The following ACAD9 variants were observed in gnomAD, a reference collection of about 807,000 sequenced individuals.
The protein encoded by ACAD9 is complex I assembly factor ACAD9, mitochondrial.
A neutral mutation model predicts 70.2 loss-of-function variants in ACAD9; 53 were observed. The observed-to-expected ratio is 0.75, with a 90% CI of 0.61 to 0.95. The LOEUF is 0.95. Among genes scored for constraint, ACAD9 ranks in the 40% least tolerant of loss-of-function variants. The pLI is 0.00. For synonymous variants in ACAD9, 313 were observed against 312.1 expected, an observed-to-expected ratio of 1.00 and a Z score of -0.03; for missense variants, 777 against 802.8, an observed-to-expected ratio of 0.97 and a Z score of 0.39.
At chr3:128,910,461 A>G (rs1936155624) in intron 16 of ACAD9, 2 of 928,312 alleles carry the variant, frequency 2.2e-6, no homozygotes, top group Non-Finnish European at 3.2e-6. Flanking sequence ...GACCCACTGT[A>G]TACCAGGATC....
Position 128,909,397 on chromosome 3 carries a change from GAC to G in ACAD9, c.1542_1543del (p.Leu515AlafsTer81). Reference protein sequence around the residue: ...NTYCFGRTVETLLLRFGKTIM... With the variant: ...NTYCFGRTVEXLLLRFGKTIM... ...CCTACTGCTTCGGCCGGACCGTGGA[GAC>G]ACTGCTGCTCCGCTTTGGCAAGGTA... On this transcript the variant is annotated frameshift_variant, in exon 15 of 18. Transcript: ENST00000308982. LOFTEE classifies it high-confidence loss of function. The G allele has an allele frequency of 6.2e-7, 1 of 1,614,188 alleles. No homozygotes were observed. The highest frequency in any genetic ancestry group is 8.5e-7 in the Non-Finnish European group (1 of 1,180,056).
intron 17 of ACAD9, 40 bp downstream of exon 17, chr3:128,910,853 T>A (rs1559834866): frequency 6.2e-7 from 1 of 1,601,960 alleles, no homozygotes; most frequent in Admixed American, 1.7e-5. Flanking sequence ...AAGGGCCCAC[T>A]TCTAGGCCCC....
rs66903181 is a variant in ACAD9 at position 128,903,762 on chromosome 3, G to A, written c.959-300G>A. On this transcript the variant is annotated intron_variant, in intron 9 of 17. Transcript: ENST00000308982. ...TGCATCTTCACAGCGACTCTGAGGT[G>A]GGGGTGGTGTTCAGGGAGGTGTCGC... Among the ~76,000 whole-genome samples, 21,798 of 152,188 alleles carry A rather than the reference G, an allele frequency of 0.14. 1,629 individuals are homozygous for A. Among genetic ancestry groups the A allele is most frequent in the Middle Eastern group, 0.16 (48 of 294 alleles).
chr3:128,890,264 T>C (rs1935380279), intron 2 of ACAD9, among the ~76,000 whole-genome samples: 1 of 152,136 alleles, frequency 6.6e-6, no homozygotes, highest in African/African-American at 2.4e-5. Flanking sequence ...TTTGGTATTT[T>C]GAGTAGAGAA....
intron 2 of ACAD9, among the ~76,000 whole-genome samples, chr3:128,885,260 C>G (rs1196808224): frequency 1.3e-5 from 2 of 152,242 alleles, no homozygotes; most frequent in African/African-American, 2.4e-5. Context: ...GTCCTCCAGC[C>G]AGGGCCTTGG....
Position 128,902,764 on chromosome 3 carries a change from G to T in ACAD9, c.958+136G>T. On this transcript the variant is annotated intron_variant, in intron 9 of 17. Coordinates refer to ENST00000308982, the MANE Select transcript of ACAD9 (RefSeq NM_014049.5). The surrounding 1 kb of genome is among the most constrained non-coding windows in gnomAD (Gnocchi z 4.0). ...CTACCAGCCTGAGCTCAGTCCCTGG[G>T]CTTTTGTGGAGACCAGAGGGTCTCC... The T allele has an allele frequency of 9.8e-7, 1 of 1,015,714 alleles. No individual in the cohort carries two copies. The highest frequency in any genetic ancestry group is 1.6e-5 in the African/African-American group (1 of 62,728). The allele number at this position is 1,015,714 out of a possible 1,614,324, so 62.9% of individuals were successfully genotyped here.
intron 13 of ACAD9, 74 bp from the exon 14 acceptor site, chr3:128,908,899 C>T (rs1015040239): frequency 1.9e-5 from 31 of 1,611,678 alleles, no homozygotes; most frequent in East Asian, 8.9e-5. Flanking sequence ...TTCTGGGTGC[C>T]GAATGGGCCA....
intron 2 of ACAD9, among the ~76,000 whole-genome samples, chr3:128,886,534 C>A (rs1266881061): frequency 6.6e-6 from 1 of 151,734 alleles, no homozygotes; most frequent in African/African-American, 2.4e-5. Flanking sequence ...CATGGAGAAA[C>A]CTCATCTCTA....
intron 2 of ACAD9, among the ~76,000 whole-genome samples, chr3:128,890,607 C>T (rs926983372): frequency 6.6e-6 from 1 of 151,566 alleles, no homozygotes; most frequent in African/African-American, 2.4e-5. Context: ...GAGGCTGAGG[C>T]AGGAGAATGG....
chr3:128,887,495 T>C (rs1472695131), intron 2 of ACAD9, among the ~76,000 whole-genome samples: 1 of 151,460 alleles, frequency 6.6e-6, no homozygotes, highest in African/African-American at 2.4e-5. Flanking sequence ...TAGTCCCAGC[T>C]ACTTGGGAGT....
Position 128,884,695 on chromosome 3 carries a change from A to G in ACAD9, c.193A>G (p.Asn65Asp). The change falls in exon 2 of 18, where the codon AAT becomes GAT. Residue 65 changes from asparagine (N) to aspartate (D), a missense_variant. Asn to Asp is a conservative substitution (Grantham distance 23). Coordinates refer to ENST00000308982, the MANE Select transcript of ACAD9 (RefSeq NM_014049.5). ...PFPEVSQDEL[N>D]EINQFLGPVE... is the part of the protein sequence containing the mutation. ...TCCAGAAGTTAGCCAAGATGAACTT[A>G]ATGAAATCAATCAGTTCTTGGGACC... 2 of 1,613,152 alleles carry G rather than the reference A, an allele frequency of 1.2e-6. No individual in the cohort carries two copies. Among genetic ancestry groups the G allele is most frequent in the Non-Finnish European group, 1.7e-6 (2 of 1,179,780 alleles).
intron 1 of ACAD9, among the ~76,000 whole-genome samples, chr3:128,882,256 C>G (rs566020289): frequency 6.6e-6 from 1 of 152,290 alleles, no homozygotes. Context: ...ATTAATAGAT[C>G]CCAAACTGAG....
chr3:128,907,036 C>T (rs1291218136), intron 12 of ACAD9, among the ~76,000 whole-genome samples: 1 of 152,214 alleles, frequency 6.6e-6, no homozygotes, highest in African/African-American at 2.4e-5. Context: ...CAGGGGCTCT[C>T]CTGCTGGGAG....
intron 2 of ACAD9, among the ~76,000 whole-genome samples, chr3:128,891,318 T>C (rs957410246): frequency 6.6e-5 from 10 of 152,168 alleles, no homozygotes; most frequent in African/African-American, 1.9e-4. Context: ...ATTCTCACTT[T>C]TGTATGTCTA....
Position 128,909,090 on chromosome 3 carries a change from C to T in ACAD9, c.1476C>T (p.Pro492=), listed in dbSNP as rs876755. The change falls in exon 14 of 18, where the codon CCC becomes CCT. Residue 492 remains proline (P), a synonymous_variant. Transcript: ENST00000308982. ...GLTGNHGVVH[P]SLADSANKFE... ...CAGGCAACCATGGAGTTGTGCACCC[C>T]AGTCTTGCGGTGAGTGGGCCTAACA... 373,815 of 1,613,688 alleles carry T rather than the reference C, an allele frequency of 0.23. 46,189 individuals carry two copies. Among genetic ancestry groups the T allele is most frequent in the East Asian group, 0.57 (25,461 of 44,846 alleles).
intron 6 of ACAD9, among the ~76,000 whole-genome samples, chr3:128,898,152 C>T (rs1321958665): frequency 6.6e-6 from 1 of 152,060 alleles, no homozygotes; most frequent in African/African-American, 2.4e-5. Flanking sequence ...GCCACTGTGC[C>T]CGGCTTGTAA....
At chr3:128,897,819 C>G in intron 6 of ACAD9, 109 bp downstream of exon 6, 1 of 1,023,880 alleles carries the variant, frequency 9.8e-7, no homozygotes, top group Non-Finnish European at 1.5e-6. Context: ...GTAGCACCGA[C>G]TACCTTCTTG....
chr3:128,903,711 G>A (rs1440857765), intron 9 of ACAD9, among the ~76,000 whole-genome samples: 3 of 152,194 alleles, frequency 2.0e-5, no homozygotes, highest in Admixed American at 2.0e-4. Context: ...GGCTTTGTGC[G>A]AGGCGCCCTC....
chr3:128,901,951 A>G (rs1160152362), intron 8 of ACAD9, among the ~76,000 whole-genome samples: 2 of 152,228 alleles, frequency 1.3e-5, no homozygotes. Flanking sequence ...AAATGCAGTC[A>G]TATACAAGAT....
Sources: gnomAD v4.1 joint callset for allele counts (sites outside exome capture counted in the v4.1 genomes callset) on GRCh38, gnomAD v4.1.1 for gene constraint, Gnocchi (gnomAD v3.1) non-coding constraint, MANE v1.5 for transcripts, NCBI Gene and HGNC (gene_info 2026-07-23, HGNC 2026-07-21) for gene names.